Variants in CHID1 observed in about 807,000 individuals in gnomAD.
The protein encoded by CHID1 is chitinase domain-containing protein 1.
In CHID1, 44 loss-of-function variants were observed where a neutral mutation model predicts 55.4. The observed-to-expected ratio is 0.79, with a 90% CI of 0.62 to 1.02. The LOEUF (loss-of-function observed/expected upper bound fraction) is 1.02, where lower values mean the gene tolerates loss of function less well. Ranked by LOEUF, CHID1 falls within the 50% of genes least tolerant of loss-of-function variation. The pLI is 0.00. For missense variants in CHID1, 491 were observed against 515.3 expected, an observed-to-expected ratio of 0.95 and a Z score of 0.46; for synonymous variants, 216 against 212.9, an observed-to-expected ratio of 1.01 and a Z score of -0.13.
At chr11:906,525 T>A (rs977004918) in intron 1 of CHID1, among the ~76,000 whole-genome samples, 2 of 152,048 alleles carry the variant, frequency 1.3e-5, no homozygotes, top group Non-Finnish European at 2.9e-5. Context: ...CATGGGGGAT[T>A]TTCCACATAC....
intron 8 of CHID1, among the ~76,000 whole-genome samples, chr11:886,710 G>A (rs1035806979): frequency 2.0e-5 from 3 of 152,210 alleles, no homozygotes; most frequent in Non-Finnish European, 2.9e-5. Flanking sequence ...GGTGGGCTTC[G>A]GGCTTGCCAG....
rs777661005 is a variant in CHID1, at chr11:900,011, A to T, written c.539T>A (p.Val180Glu). Reference protein sequence around the residue: ...IEELSKTVVQVAKNQHFDGFV... With the variant: ...IEELSKTVVQEAKNQHFDGFV... ...GCAGCACACAGGTCTCACCTTTGCC[A>T]CCTGGACCACGGTCTTGCTCAGCTC... is the stretch of plus-strand genomic sequence containing the variant. The change falls in exon 6 of 13, where the codon GTG becomes GAG. Residue 180 changes from valine to glutamate, a missense_variant. Physicochemically the swap from Val to Glu is moderately radical, Grantham distance 121. Coordinates refer to ENST00000323578, the MANE Select transcript of CHID1 (RefSeq NM_023947.4). The T allele has an allele frequency of 1.9e-6, 3 of 1,613,442 alleles. No homozygotes were observed. The highest frequency in any genetic ancestry group is 1.7e-6 in the Non-Finnish European group (2 of 1,179,450).
chr11:903,938 CCCA>C (rs1451673414), intron 2 of CHID1, among the ~76,000 whole-genome samples: 2 of 152,150 alleles, frequency 1.3e-5, no homozygotes, highest in African/African-American at 4.8e-5. Context: ...TGCCACCACC[CCCA>C]CCAATGCAAC....
intron 5 of CHID1, 46 bp downstream of exon 5, chr11:900,889 CG>C (rs1257945872): frequency 1.3e-6 from 2 of 1,547,746 alleles, no homozygotes; most frequent in African/African-American, 2.8e-5. Flanking sequence ...TGTCCACCCC[CG>C]CAGTTTGAGC....
At chr11:885,450 T>C (rs1004790726) in intron 8 of CHID1, among the ~76,000 whole-genome samples, 2 of 152,120 alleles carry the variant, frequency 1.3e-5, no homozygotes, top group African/African-American at 4.8e-5. Context: ...TGCAGGTACG[T>C]GGAGCATCAT....
chr11:887,821 G>A (rs983120123), intron 8 of CHID1, among the ~76,000 whole-genome samples: 36 of 152,270 alleles, frequency 2.4e-4, no homozygotes, highest in Admixed American at 2.0e-3. Flanking sequence ...TCTCGTGGGC[G>A]CCATGCCCTC....
chr11:898,561 CT>C (rs1851563101), intron 7 of CHID1, among the ~76,000 whole-genome samples: 1 of 152,264 alleles, frequency 6.6e-6, no homozygotes, highest in African/African-American at 2.4e-5. Flanking sequence ...TACTGTCCCC[CT>C]GCTATCTTTT....
At chr11:889,311 C>T (rs1850633103) in intron 8 of CHID1, among the ~76,000 whole-genome samples, 1 of 152,236 alleles carries the variant, frequency 6.6e-6, no homozygotes, top group Non-Finnish European at 1.5e-5. Flanking sequence ...GGTCCTGACA[C>T]TGGGCCCACG....
chr11:906,284 A>C, intron 1 of CHID1, among the ~76,000 whole-genome samples: 1 of 147,596 alleles, frequency 6.8e-6, no homozygotes, highest in South Asian at 2.1e-4. Flanking sequence ...ATGTCACCAC[A>C]CTGGAGTGCT....
At position 902,330 on chromosome 11, in the gene CHID1, A is replaced by C. The variant is rs1163548201; in HGVS notation, c.262T>G (p.Trp88Gly). ...GTGACATCGTAGCCATGGCTGTTCCACTGGCAAAAGATGGAGACATCAGAC... is the reference window on the plus strand; with the variant it reads ...GTGACATCGTAGCCATGGCTGTTCCCCTGGCAAAAGATGGAGACATCAGAC... ...AGDVLGYVTPWNSHGYDVTKV... is the reference protein window; with the variant it reads ...AGDVLGYVTPGNSHGYDVTKV... Residue 88 changes from tryptophan (W) to glycine (G), a missense_variant and splice_region_variant, in exon 4 of 13, where the codon TGG becomes GGG. By Grantham distance (184) the Trp-to-Gly change is radical. Transcript: ENST00000323578. 1 of 1,609,576 alleles carries C rather than the reference A, an allele frequency of 6.2e-7. No individual in the cohort carries two copies. The highest frequency in any genetic ancestry group is 1.3e-5 in the African/African-American group (1 of 74,854).
intron 8 of CHID1, among the ~76,000 whole-genome samples, chr11:886,768 G>A (rs532918615): frequency 6.6e-6 from 1 of 152,306 alleles, no homozygotes; most frequent in Admixed American, 6.5e-5. Context: ...CTCCCACACA[G>A]AGCCCCCCAG....
chr11:882,516 CTG>C (rs1850040331), intron 10 of CHID1: 1 of 152,416 alleles, frequency 6.6e-6, no homozygotes, highest in Non-Finnish European at 1.5e-5. Flanking sequence ...TCCATGAACA[CTG>C]TGCAAAAGGA....
At chr11:885,364 T>C (rs1850313042) in intron 8 of CHID1, among the ~76,000 whole-genome samples, 1 of 152,176 alleles carries the variant, frequency 6.6e-6, no homozygotes, top group Non-Finnish European at 1.5e-5. Context: ...AGGACCAAGG[T>C]CTGGGCCTTC....
At position 868,063 on chromosome 11, in the gene CHID1, A is replaced by G. The variant is rs1392553907; in HGVS notation, c.*1795T>C. Reference sequence around the variant, plus strand: ...CCCCGGGAGACACAGCCCGCTCTAGACATCCCATCCTGTGTGGCATCCCCA... The same window carrying G: ...CCCCGGGAGACACAGCCCGCTCTAGGCATCCCATCCTGTGTGGCATCCCCA... On this transcript the variant is annotated 3_prime_UTR_variant, in exon 13 of 13. Transcript: ENST00000323578. 2 of 151,294 alleles carry G rather than the reference A, an allele frequency of 1.3e-5. No individual in the cohort carries two copies. The highest frequency in any genetic ancestry group is 3.9e-4 in the East Asian group (2 of 5,112). The allele number at this position is 151,294 out of a possible 1,614,324, so 9.4% of individuals were successfully genotyped here.
chr11:890,460 C>A (rs994386023), intron 8 of CHID1, among the ~76,000 whole-genome samples: 1 of 152,230 alleles, frequency 6.6e-6, no homozygotes, highest in Non-Finnish European at 1.5e-5. Context: ...GGGTCGCGGC[C>A]CCGCCCACCT....
At chr11:906,247 T>G (rs1281328626) in intron 1 of CHID1, among the ~76,000 whole-genome samples, 13 of 151,372 alleles carry the variant, frequency 8.6e-5, no homozygotes, top group Admixed American at 7.2e-4. Context: ...GGGACTTTTT[T>G]TTTTTTTTTT....
At chr11:910,694 T>G (rs943358482) in intron 1 of CHID1, 81 bp downstream of exon 1, 4 of 1,262,120 alleles carry the variant, frequency 3.2e-6, no homozygotes, top group Non-Finnish European at 3.1e-6. Context: ...CGAGCCTCGC[T>G]GCCCGGCGCG....
intron 10 of CHID1, chr11:870,812 C>T (rs191871432): frequency 3.6e-4 from 110 of 302,060 alleles, no homozygotes; most frequent in African/African-American, 2.1e-3. Context: ...CCTCAGGCCG[C>T]GCAGCGGCTG....
chr11:912,652 G>A (rs1405639345), upstream of CHID1, among the ~76,000 whole-genome samples: 1 of 152,118 alleles, frequency 6.6e-6, no homozygotes, highest in African/African-American at 2.4e-5. Flanking sequence ...AGACCATCCT[G>A]ATTAACACGG....
Sources: gnomAD v4.1 joint callset for allele counts (sites outside exome capture counted in the v4.1 genomes callset) on GRCh38, gnomAD v4.1.1 for gene constraint, MANE v1.5 for transcripts, NCBI Gene and HGNC (gene_info 2026-07-23, HGNC 2026-07-21) for gene names.